Variants in CTNNA3 observed in about 807,000 individuals in gnomAD.
CTNNA3 encodes catenin alpha 3, also known as catenin alpha-3.
In CTNNA3, 76 loss-of-function variants were observed where a neutral mutation model predicts 95.7. The observed-to-expected ratio is 0.79, with a 90% CI of 0.66 to 0.96. The LOEUF (loss-of-function observed/expected upper bound fraction) is 0.96. Ranked by LOEUF, CTNNA3 falls within the 40% of genes least tolerant of loss-of-function variation. CTNNA3 has a pLI of 0.00. For missense variants in CTNNA3, 1,191 were observed against 1,089.8 expected, an observed-to-expected ratio of 1.09 and a Z score of -1.31; for synonymous variants, 431 against 374.4, an observed-to-expected ratio of 1.15 and a Z score of -1.74.
At chr10:67,726,133 ATATAT>A (rs1330790804) in intron 1 of CTNNA3, among the ~76,000 whole-genome samples, 4 of 111,456 alleles carry the variant, frequency 3.6e-5, no homozygotes, top group African/African-American at 1.1e-4. Flanking sequence ...ATTAGATAAT[ATATAT>A]TATATTATAT....
intron 5 of CTNNA3, among the ~76,000 whole-genome samples, chr10:67,235,810 A>T (rs1865425207): frequency 1.4e-5 from 2 of 142,514 alleles, no homozygotes; most frequent in Admixed American, 6.8e-5. Flanking sequence ...ACTCAAACAC[A>T]TTTACAAGAA....
intron 11 of CTNNA3, among the ~76,000 whole-genome samples, chr10:66,476,403 T>C (rs550297521): frequency 5.9e-5 from 9 of 152,168 alleles, no homozygotes; most frequent in Non-Finnish European, 8.8e-5. Context: ...CAGAACACAA[T>C]TGACAACAGA....
intron 13 of CTNNA3, among the ~76,000 whole-genome samples, chr10:66,148,301 T>C (rs180838225): frequency 6.6e-6 from 1 of 152,070 alleles, no homozygotes; most frequent in Admixed American, 6.6e-5. Flanking sequence ...TCCTGGCTTG[T>C]TTAAGAAAAA....
At chr10:66,964,230 T>C (rs1310668986) in intron 7 of CTNNA3, among the ~76,000 whole-genome samples, 1 of 152,082 alleles carries the variant, frequency 6.6e-6, no homozygotes, top group African/African-American at 2.4e-5. Context: ...CATTCTTCTC[T>C]TTCCTTAGAC....
At chr10:66,712,098 A>C (rs932085728) in intron 9 of CTNNA3, among the ~76,000 whole-genome samples, 2 of 152,060 alleles carry the variant, frequency 1.3e-5, no homozygotes, top group African/African-American at 4.8e-5. Context: ...AACAGAGCCA[A>C]TGGAGTTGTT....
chr10:66,380,092 A>G (rs888547460), intron 11 of CTNNA3, among the ~76,000 whole-genome samples: 2 of 152,176 alleles, frequency 1.3e-5, no homozygotes, highest in Non-Finnish European at 2.9e-5. Flanking sequence ...TCTTTAAAAC[A>G]CACACAGAAA....
At chr10:66,578,916 G>T (rs1280977684) in intron 10 of CTNNA3, among the ~76,000 whole-genome samples, 3 of 150,756 alleles carry the variant, frequency 2.0e-5, no homozygotes, top group African/African-American at 4.9e-5. Context: ...ATTAGTACTA[G>T]CTGTTTTTTG....
At chr10:65,991,313 T>C (rs1452278417) in intron 15 of CTNNA3, among the ~76,000 whole-genome samples, 13 of 152,118 alleles carry the variant, frequency 8.5e-5, no homozygotes, top group Admixed American at 7.2e-4. Context: ...GTCACTGATA[T>C]TTTGATATAA....
intron 3 of CTNNA3, among the ~76,000 whole-genome samples, chr10:67,545,246 T>C (rs551454840): frequency 6.6e-6 from 1 of 152,300 alleles, no homozygotes; most frequent in African/African-American, 2.4e-5. Context: ...ACATCATAGA[T>C]AGGATATAGT....
intron 9 of CTNNA3, among the ~76,000 whole-genome samples, chr10:66,633,550 G>T (rs1456605979): frequency 6.6e-6 from 1 of 151,900 alleles, no homozygotes; most frequent in Non-Finnish European, 1.5e-5. Flanking sequence ...TGTGGTGGCG[G>T]GCACTTGTAG....
At chr10:67,726,989 T>G (rs1447352473) in intron 1 of CTNNA3, among the ~76,000 whole-genome samples, 2 of 116,040 alleles carry the variant, frequency 1.7e-5, no homozygotes, top group African/African-American at 7.1e-5. Flanking sequence ...GATACATATA[T>G]AATTATATAT....
chr10:66,446,368 C>G (rs141533478), intron 11 of CTNNA3, among the ~76,000 whole-genome samples: 1,421 of 139,564 alleles, frequency 0.01, 31 homozygotes, highest in African/African-American at 0.036. Flanking sequence ...AGAGACACAA[C>G]CAAAAAAGGT....
Position 66,591,577 on chromosome 10 carries a change from C to G in CTNNA3, c.1374+30115G>C, listed in dbSNP as rs561898215. On this transcript the variant is annotated intron_variant, in intron 10 of 17. Coordinates refer to ENST00000433211, the MANE Select transcript of CTNNA3 (RefSeq NM_013266.4). ...TAGAAGAGATGCTCTTGACATTGAC[C>G]TGAAACTTACCCCTCTTTTACCTCC... Among the ~76,000 whole-genome samples the G allele has an allele frequency of 9.9e-5, 15 of 152,188 alleles. No homozygotes were observed. The South Asian group carries it at 3.1e-3, about 32-fold the overall frequency.
intron 4 of CTNNA3, among the ~76,000 whole-genome samples, chr10:67,528,245 A>G (rs2133175847): frequency 6.6e-6 from 1 of 152,300 alleles, no homozygotes; most frequent in South Asian, 2.1e-4. Context: ...GTTTATGATG[A>G]GAAATAAAGT....
At chr10:67,078,169 G>T (rs146170279) in intron 7 of CTNNA3, among the ~76,000 whole-genome samples, 221 of 152,238 alleles carry the variant, frequency 1.5e-3, no homozygotes, top group African/African-American at 5.1e-3. Context: ...CCAAATAAAA[G>T]AACACCACTT....
At chr10:66,555,525 C>T (rs183362626) in intron 10 of CTNNA3, among the ~76,000 whole-genome samples, 193 of 152,106 alleles carry the variant, frequency 1.3e-3, no homozygotes, top group African/African-American at 4.2e-3. Context: ...TATCTGGTAC[C>T]TCAGGCCAAA....
At chr10:66,791,445 A>AC (rs1257208186) in intron 7 of CTNNA3, among the ~76,000 whole-genome samples, 2 of 152,060 alleles carry the variant, frequency 1.3e-5, no homozygotes, top group East Asian at 3.9e-4. Context: ...CCCATTCTTT[A>AC]CCTCCTATAT....
At chr10:66,283,107 A>G (rs2091523216) in intron 12 of CTNNA3, among the ~76,000 whole-genome samples, 1 of 151,864 alleles carries the variant, frequency 6.6e-6, no homozygotes, top group Admixed American at 6.6e-5. Flanking sequence ...AACATCTAAG[A>G]AAATGTGTCC....
intron 3 of CTNNA3, among the ~76,000 whole-genome samples, chr10:67,593,567 T>C (rs915730675): frequency 6.6e-6 from 1 of 152,190 alleles, no homozygotes; most frequent in African/African-American, 2.4e-5. Context: ...TTGGATGTTA[T>C]TGCTGTATAG....
Sources: gnomAD v4.1 joint callset for allele counts (sites outside exome capture counted in the v4.1 genomes callset) on GRCh38, gnomAD v4.1.1 for gene constraint, MANE v1.5 for transcripts, NCBI Gene and HGNC (gene_info 2026-07-23, HGNC 2026-07-21) for gene names.